The following RNFT2 variants were observed in gnomAD, a reference collection of about 807,000 sequenced individuals.
RNFT2 encodes E3 ubiquitin-protein ligase RNFT2.
Under a neutral mutation model 53.0 loss-of-function variants are expected in RNFT2, and 36 were observed. The observed-to-expected ratio is 0.68, with a 90% confidence interval of 0.52 to 0.90. The LOEUF (loss-of-function observed/expected upper bound fraction) is 0.90. RNFT2 is among the 40% of genes least tolerant of loss of function. RNFT2 has a pLI of 0.00. For synonymous variants in RNFT2, 260 were observed against 253.2 expected (o/e 1.03, Z -0.26); for missense variants, 514 against 585.6 (o/e 0.88, Z 1.26).
intron 6 of RNFT2, among the ~76,000 whole-genome samples, chr12:116,777,982 G>T (rs920557167): frequency 6.6e-6 from 1 of 152,142 alleles, no homozygotes; most frequent in African/African-American, 2.4e-5. Flanking sequence ...CAGGACAGTC[G>T]TGAGGATTAG....
intron 7 of RNFT2, among the ~76,000 whole-genome samples, chr12:116,818,348 G>T (rs1358882180): frequency 2.0e-5 from 3 of 149,028 alleles, no homozygotes; most frequent in African/African-American, 7.4e-5. Context: ...CCGCTTTTTC[G>T]TCTGCAAACC....
intron 6 of RNFT2, among the ~76,000 whole-genome samples, chr12:116,776,563 G>C (rs1387497407): frequency 6.6e-6 from 1 of 152,196 alleles, no homozygotes; most frequent in Non-Finnish European, 1.5e-5. Flanking sequence ...CACTGAAGGT[G>C]TTGTGAGTGA....
chr12:116,849,052 C>T (rs908237608), intron 10 of RNFT2, among the ~76,000 whole-genome samples: 5 of 152,140 alleles, frequency 3.3e-5, no homozygotes, highest in Non-Finnish European at 7.4e-5. Flanking sequence ...ACTCCTGCCT[C>T]AGGTGATCCG....
intron 5 of RNFT2, among the ~76,000 whole-genome samples, chr12:116,760,780 G>T (rs1250410359): frequency 6.6e-6 from 1 of 152,120 alleles, no homozygotes; most frequent in Non-Finnish European, 1.5e-5. Context: ...AGTCAATCTG[G>T]TGCTAAAATT....
rs1452727196 is a variant in RNFT2, at chr12:116,811,408, C to G, written c.883-22384C>G. Among the ~76,000 whole-genome samples, 9 of 150,936 alleles carry G rather than the reference C, an allele frequency of 6.0e-5. No homozygotes were observed. The South Asian group carries it at 1.9e-3, about 32-fold the overall frequency. On this transcript the variant is annotated intron_variant, in intron 7 of 10. Transcript: ENST00000257575. ...TTCCTTTTTTTGAGACAGAGTCTCA[C>G]TCTGTCGCCCAGGCTGGAGTGCAGT...
intron 7 of RNFT2, among the ~76,000 whole-genome samples, chr12:116,781,220 C>T (rs1461615933): frequency 6.6e-6 from 1 of 152,132 alleles, no homozygotes; most frequent in Non-Finnish European, 1.5e-5. Context: ...AGCTAAATGA[C>T]TTCCTCTGGC....
At chr12:116,768,225 T>C (rs1873005331) in intron 6 of RNFT2, among the ~76,000 whole-genome samples, 1 of 151,488 alleles carries the variant, frequency 6.6e-6, no homozygotes, top group African/African-American at 2.4e-5. Flanking sequence ...CTCAGCCTCT[T>C]GAGTAGCTGG....
chr12:116,773,211 C>T (rs556044499), intron 6 of RNFT2, among the ~76,000 whole-genome samples: 9 of 152,210 alleles, frequency 5.9e-5, no homozygotes, highest in Non-Finnish European at 1.0e-4. Flanking sequence ...ATCTGCCCGC[C>T]TTGGCCTCCC....
At chr12:116,746,518 C>T (rs1871903275) in intron 3 of RNFT2, among the ~76,000 whole-genome samples, 1 of 152,152 alleles carries the variant, frequency 6.6e-6, no homozygotes, top group African/African-American at 2.4e-5. Context: ...AGTGAAGCCT[C>T]AATCCAGGGA....
intron 7 of RNFT2, among the ~76,000 whole-genome samples, chr12:116,786,548 T>G (rs56692573): frequency 0.1 from 15,803 of 152,084 alleles, 2,333 homozygotes; most frequent in African/African-American, 0.33. Context: ...CATTTGAGGT[T>G]ACTCATCACC....
chr12:116,814,696 C>A (rs1281899423), intron 7 of RNFT2, among the ~76,000 whole-genome samples: 1 of 151,226 alleles, frequency 6.6e-6, no homozygotes, highest in Non-Finnish European at 1.5e-5. Context: ...TTTTTTCCGA[C>A]AGAGTCTCAC....
chr12:116,787,551 T>TA (rs1308251135), intron 7 of RNFT2, among the ~76,000 whole-genome samples: 16 of 151,744 alleles, frequency 1.1e-4, no homozygotes, highest in African/African-American at 3.9e-4. Context: ...ATAATAAAAA[T>TA]AAAAATAAAA....
intron 10 of RNFT2, among the ~76,000 whole-genome samples, chr12:116,847,549 C>CA (rs1161361347): frequency 6.9e-6 from 1 of 144,998 alleles, no homozygotes; most frequent in Non-Finnish European, 1.5e-5. Context: ...TTTTTTGAGG[C>CA]AGAGTTTTGC....
chr12:116,764,201 G>A (rs1872813528), intron 5 of RNFT2, among the ~76,000 whole-genome samples: 1 of 152,156 alleles, frequency 6.6e-6, no homozygotes, highest in Non-Finnish European at 1.5e-5. Context: ...GGGACTCTGG[G>A]GGAAAGAGTG....
intron 7 of RNFT2, among the ~76,000 whole-genome samples, chr12:116,783,272 A>G (rs996962069): frequency 6.6e-6 from 1 of 152,180 alleles, no homozygotes; most frequent in Non-Finnish European, 1.5e-5. Context: ...ACCTCTGAGA[A>G]TCCTAGCCAG....
chr12:116,821,305 C>A (rs1022159674), intron 7 of RNFT2, among the ~76,000 whole-genome samples: 2 of 152,140 alleles, frequency 1.3e-5, no homozygotes, highest in African/African-American at 4.8e-5. Context: ...TTTCTCCCAC[C>A]CCTCCTGGCC....
intron 6 of RNFT2, among the ~76,000 whole-genome samples, chr12:116,775,694 T>C (rs1330126364): frequency 6.6e-6 from 1 of 152,202 alleles, no homozygotes; most frequent in Non-Finnish European, 1.5e-5. Flanking sequence ...AAGTACTGGG[T>C]AAACAATAAA....
chr12:116,751,306 A>G (rs1178315115), intron 4 of RNFT2, among the ~76,000 whole-genome samples: 1 of 152,022 alleles, frequency 6.6e-6, no homozygotes, highest in African/African-American at 2.4e-5. Context: ...AATACTACCT[A>G]TTGTTATTTT....
chr12:116,787,343 G>A (rs879627405), intron 7 of RNFT2, among the ~76,000 whole-genome samples: 3 of 152,162 alleles, frequency 2.0e-5, no homozygotes, highest in African/African-American at 4.8e-5. Flanking sequence ...TGAGCAAGTC[G>A]CTTAATGTGA....
Sources: allele counts gnomAD v4.1 joint callset (sites outside exome capture counted in the v4.1 genomes callset), GRCh38; gene constraint gnomAD v4.1.1; transcripts MANE v1.5; gene names NCBI Gene and HGNC (gene_info 2026-07-23, HGNC 2026-07-21).